The following RNF169 variants were observed in gnomAD, a reference collection of about 807,000 sequenced individuals.
The protein encoded by RNF169 is ring finger protein 169.
A neutral mutation model predicts 53.9 loss-of-function variants in RNF169; 24 were observed. The observed-to-expected ratio is 0.45, with a 90% CI of 0.32 to 0.63. The LOEUF is 0.63. RNF169 is among the 20% of genes least tolerant of loss of function. The pLI is 0.04. For synonymous variants in RNF169, 396 were observed against 363.5 expected, an observed-to-expected ratio of 1.09 and a Z score of -1.02; for missense variants, 883 against 906.2, an observed-to-expected ratio of 0.97 and a Z score of 0.33.
At chr11:74,752,140 G>C (rs1199510597) in intron 1 of RNF169, among the ~76,000 whole-genome samples, 1 of 147,746 alleles carries the variant, frequency 6.8e-6, no homozygotes, top group African/African-American at 2.5e-5. Flanking sequence ...ACTGAGACAG[G>C]AGAATCTCTT....
At position 74,785,198 on chromosome 11, in the gene RNF169, A is replaced by T. The variant is rs12226374; in HGVS notation, c.503-4428A>T. Among the ~76,000 whole-genome samples, 243 of 63,830 alleles carry T rather than the reference A, an allele frequency of 3.8e-3. 4 individuals carry two copies. The highest frequency in any genetic ancestry group is 0.026 in the African/African-American group (151 of 5,836). The allele number at this position is 63,830 out of a possible 152,430, so 41.9% of individuals were successfully genotyped here. ...GATATATATATATGATATATATATG[A>T]TATATATATATGATATATATATGTT... On this transcript the variant is annotated intron_variant, in intron 1 of 5. Coordinates refer to ENST00000299563, the MANE Select transcript of RNF169 (RefSeq NM_001098638.2).
At chr11:74,780,945 T>C (rs1474183076) in intron 1 of RNF169, among the ~76,000 whole-genome samples, 2 of 152,128 alleles carry the variant, frequency 1.3e-5, no homozygotes, top group Admixed American at 1.3e-4. Context: ...GGGTCCAAGA[T>C]CCCAAAGAGA....
At chr11:74,764,909 T>C (rs1021200642) in intron 1 of RNF169, among the ~76,000 whole-genome samples, 4 of 152,338 alleles carry the variant, frequency 2.6e-5, no homozygotes, top group African/African-American at 9.6e-5. Flanking sequence ...TTAAGTCAGA[T>C]GCACATTAAA....
At chr11:74,828,489 C>G in intron 4 of RNF169, among the ~76,000 whole-genome samples, 1 of 152,168 alleles carries the variant, frequency 6.6e-6, no homozygotes, top group East Asian at 1.9e-4. Flanking sequence ...TTTTAAAATT[C>G]ATATGGAACC....
In RNF169 at chr11:74,791,480, G is replaced by T. The variant is rs1045861131; in HGVS notation, c.576+1781G>T. On this transcript the variant is annotated intron_variant, in intron 2 of 5. Transcript: ENST00000299563. Reference sequence around the variant, plus strand: ...GGGCTGTGCCATGGGGCACCTGCAGGCCTGTGCCAAGCTGCTCTCAGCACC... The same window carrying T: ...GGGCTGTGCCATGGGGCACCTGCAGTCCTGTGCCAAGCTGCTCTCAGCACC... Among the ~76,000 whole-genome samples, 10 of 152,184 alleles carry T rather than the reference G, an allele frequency of 6.6e-5. No homozygotes were observed. In the East Asian group the frequency reaches 1.3e-3, roughly 20 times the overall value.
intron 2 of RNF169, among the ~76,000 whole-genome samples, chr11:74,796,431 T>C (rs2035650194): frequency 6.6e-6 from 1 of 152,254 alleles, no homozygotes; most frequent in African/African-American, 2.4e-5. Flanking sequence ...TCTTTTAATG[T>C]TTTCAGTTTA....
intron 1 of RNF169, among the ~76,000 whole-genome samples, chr11:74,764,389 C>T (rs1014453603): frequency 7.5e-4 from 114 of 152,014 alleles, no homozygotes; most frequent in African/African-American, 2.5e-3. Flanking sequence ...AAAAATTAGC[C>T]GGGTGTGGTG....
Position 74,749,398 on chromosome 11 carries a change from T to C in RNF169, c.502+16T>C. The C allele has an allele frequency of 8.1e-7, 1 of 1,232,222 alleles. No individual in the cohort carries two copies. The highest frequency in any genetic ancestry group is 1.0e-6 in the Non-Finnish European group (1 of 982,170). 76.3% of individuals were successfully genotyped at this position (1,232,222 alleles called of 1,614,324 possible). ...GCGGAGCCAGGTGGAGCTTCCCCAC[T>C]TCCCCTTAGGGTCTGGAGCGAGGCC... On this transcript the variant is annotated intron_variant, in intron 1 of 5. Coordinates refer to ENST00000299563, the MANE Select transcript of RNF169 (RefSeq NM_001098638.2).
chr11:74,810,173 T>G lies in RNF169; in HGVS notation c.577-11T>G, dbSNP rs749897138. ...CTAAAACTACTGTGTTTGCATAATTTATATTTTTAGCTGAGAGAAGAAAAG... is the reference window on the plus strand; with the variant it reads ...CTAAAACTACTGTGTTTGCATAATTGATATTTTTAGCTGAGAGAAGAAAAG... On this transcript the variant is annotated splice_polypyrimidine_tract_variant and intron_variant, in intron 2 of 5. Coordinates refer to ENST00000299563, the MANE Select transcript of RNF169 (RefSeq NM_001098638.2). The G allele has an allele frequency of 1.2e-6, 2 of 1,600,738 alleles. No individual in the cohort carries two copies. Among genetic ancestry groups the G allele is most frequent in the African/African-American group, 2.7e-5 (2 of 73,622 alleles).
intron 1 of RNF169, among the ~76,000 whole-genome samples, chr11:74,764,523 A>G (rs926750309): frequency 6.6e-6 from 1 of 152,226 alleles, no homozygotes; most frequent in African/African-American, 2.4e-5. Flanking sequence ...ATCTCAAAAG[A>G]AGAAAAAAGT....
At position 74,841,990 on chromosome 11, in the gene RNF169, A is replaced by C; in HGVS notation, c.*5260A>C. On this transcript the variant is annotated 3_prime_UTR_variant, in exon 6 of 6. Coordinates refer to ENST00000299563, the MANE Select transcript of RNF169 (RefSeq NM_001098638.2). The stretch of plus-strand genomic sequence containing the variant: ...GATACTATGCAAGGGAAAAAAATTT[A>C]AATGCCAACGAATAGTTTTTTTTTT... 1 of 151,708 alleles carries C rather than the reference A, an allele frequency of 6.6e-6. No individual in the cohort carries two copies. Among genetic ancestry groups the C allele is most frequent in the East Asian group, 1.9e-4 (1 of 5,196 alleles). The allele number at this position is 151,708 out of a possible 1,614,324, so 9.4% of individuals were successfully genotyped here.
intron 4 of RNF169, among the ~76,000 whole-genome samples, chr11:74,823,050 C>G (rs1197516662): frequency 1.3e-5 from 2 of 152,110 alleles, no homozygotes; most frequent in Non-Finnish European, 2.9e-5. Context: ...TCTGCTCCAG[C>G]ATTTTGAAGA....
intron 2 of RNF169, among the ~76,000 whole-genome samples, chr11:74,802,739 C>T (rs1243134794): frequency 6.6e-6 from 1 of 152,084 alleles, no homozygotes; most frequent in East Asian, 1.9e-4. Context: ...TAAAAAATTG[C>T]CTAACATATA....
intron 1 of RNF169, among the ~76,000 whole-genome samples, chr11:74,784,878 A>G (rs551209946): frequency 6.6e-6 from 1 of 152,306 alleles, no homozygotes; most frequent in South Asian, 2.1e-4. Flanking sequence ...AAGAAAGAAA[A>G]GGATAGACAG....
At chr11:74,778,508 G>T (rs764117739) in intron 1 of RNF169, among the ~76,000 whole-genome samples, 4 of 152,138 alleles carry the variant, frequency 2.6e-5, no homozygotes, top group Non-Finnish European at 5.9e-5. Context: ...AACCCCATCA[G>T]CTCCAGTGGG....
At chr11:74,827,956 C>T (rs1041062292) in intron 4 of RNF169, among the ~76,000 whole-genome samples, 7 of 152,148 alleles carry the variant, frequency 4.6e-5, no homozygotes, top group African/African-American at 7.2e-5. Context: ...CACTCCTATT[C>T]GCCATAGTAT....
At chr11:74,765,195 C>T (rs1020855398) in intron 1 of RNF169, among the ~76,000 whole-genome samples, 3 of 152,072 alleles carry the variant, frequency 2.0e-5, no homozygotes, top group Non-Finnish European at 4.4e-5. Flanking sequence ...GGTGACAGAG[C>T]GAGATCCTGT....
In RNF169 at chr11:74,818,941, C is replaced by G. The variant is rs567056273; in HGVS notation, c.842+1227C>G. 3.9e-5 allele frequency among the ~76,000 whole-genome samples: 6 copies of G among 152,258 alleles called. No individual in the cohort carries two copies. The South Asian group carries it at 1.2e-3, about 32-fold the overall frequency. On this transcript the variant is annotated intron_variant, in intron 4 of 5. Transcript: ENST00000299563. ...TTTAAAAAATAATTTCTGCTCTACCCTTCTTACATGGATTACTTAATGTCT... is the reference window on the plus strand; with the variant it reads ...TTTAAAAAATAATTTCTGCTCTACCGTTCTTACATGGATTACTTAATGTCT...
At chr11:74,761,378 C>T (rs1328180529) in intron 1 of RNF169, among the ~76,000 whole-genome samples, 3 of 143,476 alleles carry the variant, frequency 2.1e-5, no homozygotes, top group Non-Finnish European at 3.0e-5. Flanking sequence ...TGATTTTGCT[C>T]GTTAGTTGAT....
Sources: gnomAD v4.1 joint callset for allele counts (sites outside exome capture counted in the v4.1 genomes callset) on GRCh38, gnomAD v4.1.1 for gene constraint, MANE v1.5 for transcripts, NCBI Gene and HGNC (gene_info 2026-07-23, HGNC 2026-07-21) for gene names.